ZFPM2: variants seen among roughly 807,000 people sequenced by gnomAD.
ZFPM2 encodes the protein zinc finger protein ZFPM2.
A neutral mutation model predicts 98.6 loss-of-function variants in ZFPM2; 20 were observed. The observed-to-expected ratio is 0.20, with a 90% CI of 0.14 to 0.29. ZFPM2 has a LOEUF of 0.29. Among genes scored for constraint, ZFPM2 ranks in the 10% least tolerant of loss-of-function variants. ZFPM2 has a pLI of 1.00. For missense variants in ZFPM2, 1,310 were observed against 1,388.6 expected (o/e 0.94, Z 0.90); for synonymous variants, 518 against 502.7 (o/e 1.03, Z -0.41).
chr8:105,558,734 A>C (rs921370338), intron 3 of ZFPM2, among the ~76,000 whole-genome samples: 8 of 152,192 alleles, frequency 5.3e-5, no homozygotes, highest in African/African-American at 1.9e-4. Flanking sequence ...AAAGATTCTC[A>C]TGATTCCTCT....
chr8:105,486,281 T>C (rs2130408627), intron 3 of ZFPM2, among the ~76,000 whole-genome samples: 1 of 152,270 alleles, frequency 6.6e-6, no homozygotes, highest in Middle Eastern at 3.4e-3. Context: ...TCTTAATATA[T>C]GTATTATGAA....
intron 3 of ZFPM2, among the ~76,000 whole-genome samples, chr8:105,549,309 G>A (rs1323163746): frequency 6.6e-6 from 1 of 152,144 alleles, no homozygotes; most frequent in Non-Finnish European, 1.5e-5. Flanking sequence ...CTGAATGTGT[G>A]ATATAGATGT....
chr8:105,685,649 T>C (rs1810716845), intron 5 of ZFPM2: 1 of 152,104 alleles, frequency 6.6e-6, no homozygotes, highest in Non-Finnish European at 1.5e-5. Flanking sequence ...CTCTAATATG[T>C]CTTGAATCCG....
chr8:105,783,012 A>AAAT (rs1042050893), intron 5 of ZFPM2, among the ~76,000 whole-genome samples: 1 of 137,732 alleles, frequency 7.3e-6, no homozygotes, highest in African/African-American at 2.8e-5. Flanking sequence ...ACCAGGAACT[A>AAAT]AATTGTTCAA....
intron 5 of ZFPM2, among the ~76,000 whole-genome samples, chr8:105,690,690 C>A (rs1810859118): frequency 6.6e-6 from 1 of 152,112 alleles, no homozygotes; most frequent in African/African-American, 2.4e-5. Context: ...CATAATAACT[C>A]ACACCGCAAA....
intron 5 of ZFPM2, among the ~76,000 whole-genome samples, chr8:105,701,776 A>T (rs865921967): frequency 6.6e-6 from 1 of 152,222 alleles, no homozygotes; most frequent in Admixed American, 6.5e-5. Flanking sequence ...ACTGTGTGTT[A>T]ACCTGAAACT....
chr8:105,615,710 T>C (rs1816400507), intron 4 of ZFPM2, among the ~76,000 whole-genome samples: 1 of 151,998 alleles, frequency 6.6e-6, no homozygotes. Flanking sequence ...AAACTTAGAG[T>C]CAGAAGGTAC....
chr8:105,784,675 C>G (rs1813359944), intron 5 of ZFPM2: 1 of 145,718 alleles, frequency 6.9e-6, no homozygotes, highest in African/African-American at 2.8e-5. Context: ...TCAGCACTAT[C>G]ATCTTCTGCA....
chr8:105,677,159 AAT>A (rs1810490397), intron 5 of ZFPM2, among the ~76,000 whole-genome samples: 3 of 152,078 alleles, frequency 2.0e-5, no homozygotes, highest in Non-Finnish European at 4.4e-5. Flanking sequence ...TTCCTGACAT[AAT>A]ATGTTAGAAT....
Position 105,424,740 on chromosome 8 carries a change from A to G in ZFPM2, c.199+5438A>G, listed in dbSNP as rs542066450. On this transcript the variant is annotated intron_variant, in intron 2 of 7. Transcript: ENST00000407775. ...ACTTTCACTCCTGTTCACTAGGTCA[A>G]ATTCAATACAACTCAACCCATATAT... Among the ~76,000 whole-genome samples, 5 of 152,334 alleles carry G rather than the reference A, an allele frequency of 3.3e-5. No individual in the cohort carries two copies. The South Asian group carries it at 1.0e-3, about 32-fold the overall frequency.
chr8:105,398,995 A>T (rs1586344375), intron 1 of ZFPM2, among the ~76,000 whole-genome samples: 1 of 152,258 alleles, frequency 6.6e-6, no homozygotes, highest in Non-Finnish European at 1.5e-5. Context: ...GGAGTGTTCC[A>T]GGCAGAGGGA....
chr8:105,656,121 G>A (rs544873968), intron 5 of ZFPM2, among the ~76,000 whole-genome samples: 3 of 151,946 alleles, frequency 2.0e-5, no homozygotes, highest in Admixed American at 2.0e-4. Flanking sequence ...ATAGTAAACC[G>A]ATTCAAAAGT....
intron 2 of ZFPM2, among the ~76,000 whole-genome samples, chr8:105,437,144 A>C (rs1186084466): frequency 2.0e-5 from 3 of 152,250 alleles, no homozygotes; most frequent in African/African-American, 4.8e-5. Flanking sequence ...AATGTGATAT[A>C]TATTGCATAC....
At chr8:105,550,592 G>A (rs1814828358) in intron 3 of ZFPM2, among the ~76,000 whole-genome samples, 1 of 152,092 alleles carries the variant, frequency 6.6e-6, no homozygotes, top group Non-Finnish European at 1.5e-5. Context: ...TGTAGGGAGA[G>A]AAAATACGTA....
chr8:105,488,914 G>C (rs907328303), intron 3 of ZFPM2, among the ~76,000 whole-genome samples: 8 of 152,036 alleles, frequency 5.3e-5, no homozygotes, highest in Admixed American at 1.3e-4. Flanking sequence ...CGATCTGTCC[G>C]GGTCCATTAT....
intron 4 of ZFPM2, among the ~76,000 whole-genome samples, chr8:105,606,781 C>T (rs762487042): frequency 3.9e-5 from 6 of 152,064 alleles, no homozygotes; most frequent in Non-Finnish European, 7.4e-5. Context: ...CCAACCATTA[C>T]TTTCCAAATA....
intron 5 of ZFPM2, among the ~76,000 whole-genome samples, chr8:105,657,917 T>C (rs1028941918): frequency 2.6e-5 from 4 of 152,256 alleles, no homozygotes; most frequent in Non-Finnish European, 4.4e-5. Context: ...CCCACAGTGG[T>C]TCAAATCTAA....
chr8:105,435,404 A>G (rs1429057739), intron 2 of ZFPM2, among the ~76,000 whole-genome samples: 2 of 152,180 alleles, frequency 1.3e-5, no homozygotes, highest in Non-Finnish European at 2.9e-5. Flanking sequence ...TGCTGAAAAT[A>G]CACTGAAATT....
At chr8:105,553,350 T>C (rs1233778715) in intron 3 of ZFPM2, among the ~76,000 whole-genome samples, 17 of 152,156 alleles carry the variant, frequency 1.1e-4, no homozygotes, top group Non-Finnish European at 2.1e-4. Flanking sequence ...AGCATATAAA[T>C]GTAAATTTGC....
Sources: gnomAD v4.1 joint callset for allele counts (sites outside exome capture counted in the v4.1 genomes callset) on GRCh38, gnomAD v4.1.1 for gene constraint, MANE v1.5 for transcripts, NCBI Gene and HGNC (gene_info 2026-07-23, HGNC 2026-07-21) for gene names.